Variants in GTF3C3 observed in about 807,000 individuals in gnomAD.
GTF3C3 encodes the protein general transcription factor IIIC subunit 3.
A neutral mutation model predicts 105.2 loss-of-function variants in GTF3C3; 75 were observed. The observed-to-expected ratio is 0.71, with a 90% CI of 0.59 to 0.86. GTF3C3 has a LOEUF of 0.86. Ranked by LOEUF, GTF3C3 falls within the 40% of genes least tolerant of loss-of-function variation. The probability of loss-of-function intolerance (pLI) is 0.00; values close to 1 mark genes in which losing one functional copy is unlikely to be tolerated. For synonymous variants in GTF3C3, 335 were observed against 370.4 expected (o/e 0.90, Z 1.10); for missense variants, 856 against 1,076.5 (o/e 0.80, Z 2.87).
At chr2:196,780,289 C>T in intron 9 of GTF3C3, 1 of 1,031,124 alleles carries the variant, frequency 9.7e-7, no homozygotes, top group African/African-American at 1.7e-5. Context: ...TACCAATTAT[C>T]TAATGACAAT....
intron 2 of GTF3C3, among the ~76,000 whole-genome samples, chr2:196,794,047 C>T (rs1440152334): frequency 2.0e-5 from 3 of 152,080 alleles, no homozygotes; most frequent in Non-Finnish European, 4.4e-5. Context: ...GCTGTGCTCT[C>T]ATGAATAGAT....
chr2:196,789,179 T>C lies in GTF3C3; in HGVS notation c.893+25A>G, dbSNP rs762652839. 3.8e-6 allele frequency: 6 copies of C among 1,559,418 alleles called. No homozygotes were observed. In the East Asian group the frequency reaches 1.1e-4, roughly 29 times the overall value. ...GCAAAACAAGATTAACAGGAGCAAG[T>C]AGATCTGTTTCACTCCAAACTTACT... On this transcript the variant is annotated intron_variant, in intron 6 of 17. Transcript: ENST00000263956.
At chr2:196,785,334 A>T in intron 7 of GTF3C3, 107 bp downstream of exon 7, 1 of 755,920 alleles carries the variant, frequency 1.3e-6, no homozygotes, top group South Asian at 2.2e-5. Context: ...TATAGACTTT[A>T]AATATATACA....
chr2:196,768,813 A>G (rs1056482374), intron 16 of GTF3C3, among the ~76,000 whole-genome samples: 13 of 152,146 alleles, frequency 8.5e-5, no homozygotes, highest in African/African-American at 2.9e-4. Context: ...TTTTTGTCCT[A>G]CCAAGCCCAA....
chr2:196,794,484 G>C (rs759017102), intron 2 of GTF3C3, among the ~76,000 whole-genome samples: 1 of 152,112 alleles, frequency 6.6e-6, no homozygotes, highest in African/African-American at 2.4e-5. Context: ...TCCCAGGCTG[G>C]AGTGCAATGG....
intron 15 of GTF3C3, among the ~76,000 whole-genome samples, chr2:196,770,379 G>GA (rs1699150741): frequency 6.6e-6 from 1 of 152,146 alleles, no homozygotes; most frequent in Non-Finnish European, 1.5e-5. Flanking sequence ...AGTTTGAAAA[G>GA]AATGGAGGAG....
chr2:196,792,370 A>G (rs1043830329), intron 3 of GTF3C3, among the ~76,000 whole-genome samples: 4 of 152,132 alleles, frequency 2.6e-5, no homozygotes, highest in Admixed American at 2.0e-4. Context: ...TATGTTGCTC[A>G]GGCTGGTCTC....
Position 196,789,270 on chromosome 2 carries a change from C to T in GTF3C3, c.827G>A (p.Arg276His), listed in dbSNP as rs768859221. ...DHKMAMDGYR[R>H]ILNLLSPSDG... ...AGATGGAGACAAAAGGTTTAAAATA[C>T]GCCTATAACCATCCATGGCCATTTT... The change falls in exon 6 of 18, where the codon CGT becomes CAT. Residue 276 changes from arginine (R) to histidine (H), a missense_variant. Coordinates refer to ENST00000263956, the MANE Select transcript of GTF3C3 (RefSeq NM_012086.5). 1.1e-5 allele frequency: 18 copies of T among 1,613,140 alleles called. No individual in the cohort carries two copies. Among genetic ancestry groups the T allele is most frequent in the South Asian group, 2.2e-5 (2 of 90,948 alleles).
intron 15 of GTF3C3, among the ~76,000 whole-genome samples, chr2:196,770,556 A>T (rs1699154393): frequency 6.6e-6 from 1 of 152,250 alleles, no homozygotes. Flanking sequence ...AGCTAAATGT[A>T]TCCAATAACA....
rs190570818 is a variant in GTF3C3, at chr2:196,772,420, C to T, written c.2070-482G>A. Among the ~76,000 whole-genome samples the T allele has an allele frequency of 1.1e-3, 167 of 152,194 alleles. No homozygotes were observed. The East Asian group carries it at 0.019, about 18-fold the overall frequency. ...AAAATGAGCTGGGCCTGGTGGCACACGCCTGTAATCCCAGCTACTTGGGAG... is the reference window on the plus strand; with the variant it reads ...AAAATGAGCTGGGCCTGGTGGCACATGCCTGTAATCCCAGCTACTTGGGAG... On this transcript the variant is annotated intron_variant, in intron 14 of 17. Coordinates refer to ENST00000263956, the MANE Select transcript of GTF3C3 (RefSeq NM_012086.5).
chr2:196,764,584 C>A lies in GTF3C3; in HGVS notation c.2640G>T (p.Leu880Phe). Residue 880 changes from leucine to phenylalanine, a missense_variant, in exon 18 of 18, where the codon TTG (leucine) becomes TTT (phenylalanine). Transcript: ENST00000263956. The part of the protein sequence containing the change: ...SGNTGMAQTL[L>F]YTYCSI ...TGCTTTATATAGAACAATAGGTATACAAAAGCGTTTGAGCCATTCCGGTAT... is the reference window on the plus strand; with the variant it reads ...TGCTTTATATAGAACAATAGGTATAAAAAAGCGTTTGAGCCATTCCGGTAT... The A allele has an allele frequency of 6.2e-7, 1 of 1,613,914 alleles. No homozygotes were observed. The highest frequency in any genetic ancestry group is 8.5e-7 in the Non-Finnish European group (1 of 1,179,866).
intron 8 of GTF3C3, chr2:196,780,932 A>G (rs375316356): frequency 4.0e-6 from 1 of 253,154 alleles, no homozygotes; most frequent in Non-Finnish European, 7.4e-6. Flanking sequence ...GACAAAAATA[A>G]TGAGGATATA....
In GTF3C3 at chr2:196,778,944, C is replaced by T; in HGVS notation, c.1342G>A (p.Val448Ile). 6.2e-7 allele frequency: 1 copy of T among 1,614,010 alleles called. No homozygotes were observed. Among genetic ancestry groups the T allele is most frequent in the Non-Finnish European group, 8.5e-7 (1 of 1,179,934 alleles). Reference sequence around the variant, plus strand: ...GCAAGGTTGTATCTTTCAGAGCAAACAAGAGCACTGAGGAGGGGAAGTGCA... The same window carrying T: ...GCAAGGTTGTATCTTTCAGAGCAAATAAGAGCACTGAGGAGGGGAAGTGCA... ...NSALPLLSAL[V>I]CSERYNLAVV... Residue 448 changes from valine to isoleucine, a missense_variant, in exon 10 of 18, where the codon GTT becomes ATT. This residue lies in a region of GTF3C3 where 605 missense variants were observed against 833.6 expected (regional missense o/e 0.73). Coordinates refer to ENST00000263956, the MANE Select transcript of GTF3C3 (RefSeq NM_012086.5).
chr2:196,772,462 C>T (rs1202510283), intron 14 of GTF3C3, among the ~76,000 whole-genome samples: 9 of 152,230 alleles, frequency 5.9e-5, no homozygotes, highest in Non-Finnish European at 1.2e-4. Flanking sequence ...GCAGGAGAAT[C>T]GCTTGAACCT....
In GTF3C3 at chr2:196,776,694, C is replaced by A. The variant is rs1420777388; in HGVS notation, c.1391-65G>T. 5 of 1,111,796 alleles carry A rather than the reference C, an allele frequency of 4.5e-6. No individual in the cohort carries two copies. The highest frequency in any genetic ancestry group is 6.7e-6 in the Non-Finnish European group (5 of 751,028). The allele number at this position is 1,111,796 out of a possible 1,614,324, so 68.9% of individuals were successfully genotyped here. A position where few individuals can be genotyped will look rare whatever the true frequency, so the allele number is the denominator to read the frequency against. On this transcript the variant is annotated intron_variant, in intron 10 of 17. Coordinates refer to ENST00000263956, the MANE Select transcript of GTF3C3 (RefSeq NM_012086.5). This position sits in a 1 kb window ranked among gnomAD's most constrained non-coding sequence, Gnocchi z 4.5. ...GATTTGTAAACTGGCCACAATTACT[C>A]TTCCATTTTAAAAGAAATATAGCAA...
rs1699002905 is a variant in GTF3C3, at chr2:196,763,337, C to T, written c.*1226G>A. The T allele has an allele frequency of 6.6e-6, 1 of 152,122 alleles. No individual in the cohort carries two copies. The highest frequency in any genetic ancestry group is 1.5e-5 in the Non-Finnish European group (1 of 68,024). 9.4% of individuals were successfully genotyped at this position (152,122 alleles called of 1,614,324 possible). A position where few individuals can be genotyped will look rare whatever the true frequency, so the allele number is the denominator to read the frequency against. On this transcript the variant is annotated 3_prime_UTR_variant, in exon 18 of 18. Transcript: ENST00000263956. Reference sequence around the variant, plus strand: ...TAATTTAAGAGAGAAACTCGGAGCACAGAATGCTCAGTTCCACAGAATTCC... The same window carrying T: ...TAATTTAAGAGAGAAACTCGGAGCATAGAATGCTCAGTTCCACAGAATTCC...
In GTF3C3 at chr2:196,779,052, G is replaced by A; in HGVS notation, c.1234C>T (p.Leu412=). Residue 412 remains leucine (L), a synonymous_variant, in exon 10 of 18, where the codon CTA becomes TTA. Transcript: ENST00000263956. ...ATATCTTCAGGATTCTGTTCTACTA[G>A]TGTTGTCAAGAGAGGCTAGACCACA... ...LEPLNPLLTT[L]VEQNPEDMGD... 4.3e-6 allele frequency: 7 copies of A among 1,613,134 alleles called. No homozygotes were observed. Among genetic ancestry groups the A allele is most frequent in the African/African-American group, 1.3e-5 (1 of 74,898 alleles).
At chr2:196,789,160 C>T in intron 6 of GTF3C3, 44 bp downstream of exon 6, 2 of 1,478,000 alleles carry the variant, frequency 1.4e-6, no homozygotes, top group Non-Finnish European at 1.8e-6. Context: ...ATTTGCAAAA[C>T]AAGATTAACA....
intron 13 of GTF3C3, chr2:196,773,539 C>T (rs1699212507): frequency 3.3e-6 from 1 of 306,692 alleles, no homozygotes; most frequent in African/African-American, 2.2e-5. Flanking sequence ...CAGTTTCATG[C>T]AAGGCAATTT....
Sources: allele counts gnomAD v4.1 joint callset (sites outside exome capture counted in the v4.1 genomes callset), GRCh38; gene constraint gnomAD v4.1.1; regional missense constraint gnomAD v4.1.1; non-coding constraint Gnocchi (gnomAD v3.1); transcripts MANE v1.5; gene names NCBI Gene and HGNC (gene_info 2026-07-23, HGNC 2026-07-21).